Variants in FAM13A observed in about 807,000 individuals in gnomAD.
The protein encoded by FAM13A is family with sequence similarity 13 member A.
Under a neutral mutation model 129.6 loss-of-function variants are expected in FAM13A, and 76 were observed. The ratio of observed to expected loss-of-function variants is 0.59; its 90% CI spans 0.49 to 0.71. The LOEUF is 0.71. Ranked by LOEUF, FAM13A falls within the 30% of genes least tolerant of loss-of-function variation. FAM13A has a pLI of 0.00. For synonymous variants in FAM13A, 443 were observed against 449.9 expected (o/e 0.98, Z 0.20); for missense variants, 1,108 against 1,249.3 (o/e 0.89, Z 1.70).
intron 4 of FAM13A, among the ~76,000 whole-genome samples, chr4:88,961,868 T>G (rs1758673360): frequency 6.6e-6 from 1 of 152,198 alleles, no homozygotes; most frequent in African/African-American, 2.4e-5. Context: ...CTTTTATGGA[T>G]TCTTTTAATC....
At chr4:88,728,829 A>G (rs2149375708) in intron 23 of FAM13A, 170 bp from the exon 24 acceptor site, 1 of 651,466 alleles carries the variant, frequency 1.5e-6, no homozygotes, top group Non-Finnish European at 2.5e-6. Context: ...TAGACAAGTA[A>G]TGAAAATGTT....
rs150706541 is a variant in FAM13A, at chr4:88,827,751, G to A, written c.1008-22699C>T. ...AGGTTATCTGTACTCTTAGGATAAC[G>A]TTCAAAATATTCTTTCTGCCACCAT... On this transcript the variant is annotated intron_variant, in intron 7 of 23. Coordinates refer to ENST00000264344, the MANE Select transcript of FAM13A (RefSeq NM_014883.4). 1.1e-4 allele frequency among the ~76,000 whole-genome samples: 17 copies of A among 152,160 alleles called. No individual in the cohort carries two copies. In the East Asian group the frequency reaches 2.3e-3, roughly 21 times the overall value.
chr4:89,035,228 T>C (rs548464254), intron 1 of FAM13A, among the ~76,000 whole-genome samples: 150 of 152,144 alleles, frequency 9.9e-4, no homozygotes, highest in Non-Finnish European at 1.7e-3. Context: ...AAAGTTCCTA[T>C]TGGGTATTAT....
intron 5 of FAM13A, among the ~76,000 whole-genome samples, chr4:88,911,129 T>C (rs1030940181): frequency 1.3e-5 from 2 of 152,236 alleles, no homozygotes; most frequent in Non-Finnish European, 2.9e-5. Context: ...TGTGCATTCC[T>C]CCTGCTTTTA....
intron 2 of FAM13A, among the ~76,000 whole-genome samples, chr4:89,023,935 A>AG (rs1342214331): frequency 2.6e-5 from 4 of 152,182 alleles, no homozygotes; most frequent in Non-Finnish European, 5.9e-5. Flanking sequence ...TATTCAGAAA[A>AG]GGGGGATATT....
chr4:88,840,171 A>G (rs1003185561), intron 7 of FAM13A, among the ~76,000 whole-genome samples: 2 of 152,256 alleles, frequency 1.3e-5, no homozygotes, highest in Non-Finnish European at 2.9e-5. Context: ...TTCAAAAAGG[A>G]GTGATCAGTT....
At chr4:88,944,406 T>A (rs1396489087) in intron 4 of FAM13A, among the ~76,000 whole-genome samples, 1 of 152,202 alleles carries the variant, frequency 6.6e-6, no homozygotes, top group Non-Finnish European at 1.5e-5. Context: ...CTGGAAACAT[T>A]GGTTCTATTA....
intron 6 of FAM13A, among the ~76,000 whole-genome samples, chr4:88,865,529 C>T (rs775709806): frequency 2.6e-5 from 4 of 152,126 alleles, no homozygotes; most frequent in Admixed American, 6.5e-5. Context: ...TGCCTAGTAA[C>T]GGTAACAGCA....
At chr4:88,819,527 A>G (rs1266799020) in intron 7 of FAM13A, among the ~76,000 whole-genome samples, 2 of 152,132 alleles carry the variant, frequency 1.3e-5, no homozygotes, top group Admixed American at 1.3e-4. Flanking sequence ...TCCCCACAAT[A>G]CCTAAGGGGA....
At chr4:88,877,804 T>C (rs1742816214) in intron 6 of FAM13A, among the ~76,000 whole-genome samples, 1 of 152,212 alleles carries the variant, frequency 6.6e-6, no homozygotes, top group South Asian at 2.1e-4. Flanking sequence ...TCAGTCTACC[T>C]CAACTTTCTC....
At chr4:88,895,152 T>C (rs1363206890) in intron 6 of FAM13A, among the ~76,000 whole-genome samples, 2 of 152,158 alleles carry the variant, frequency 1.3e-5, no homozygotes, top group Non-Finnish European at 2.9e-5. Context: ...TTAGTTATCA[T>C]CATCACCACT....
chr4:88,806,250 A>G (rs962140119), intron 7 of FAM13A, among the ~76,000 whole-genome samples: 2 of 152,210 alleles, frequency 1.3e-5, no homozygotes, highest in African/African-American at 4.8e-5. Flanking sequence ...AATGAAAAAG[A>G]AAGTCTAATA....
At chr4:88,805,684 T>TA (rs70959629) in intron 7 of FAM13A, among the ~76,000 whole-genome samples, 92 of 151,858 alleles carry the variant, frequency 6.1e-4, no homozygotes, top group African/African-American at 1.9e-3. Flanking sequence ...TTTTTTTTTT[T>TA]AAGAGACATG....
intron 4 of FAM13A, among the ~76,000 whole-genome samples, chr4:88,959,049 T>TA (rs1758210563): frequency 6.6e-6 from 1 of 152,238 alleles, no homozygotes; most frequent in Non-Finnish European, 1.5e-5. Context: ...AGAATGGTAG[T>TA]GTTTACCTAA....
chr4:88,843,332 G>A (rs934697783), intron 7 of FAM13A, among the ~76,000 whole-genome samples: 18 of 152,194 alleles, frequency 1.2e-4, no homozygotes, highest in African/African-American at 2.9e-4. Context: ...CCCGCAGTCG[G>A]CTATGATATT....
At chr4:88,833,385 A>T (rs1297068651) in intron 7 of FAM13A, among the ~76,000 whole-genome samples, 1 of 152,112 alleles carries the variant, frequency 6.6e-6, no homozygotes, top group African/African-American at 2.4e-5. Context: ...CAAATAAGTA[A>T]TGAATAGCAC....
chr4:88,973,130 A>ATTT (rs1760363498), intron 4 of FAM13A, among the ~76,000 whole-genome samples: 1 of 84,470 alleles, frequency 1.2e-5, no homozygotes, highest in East Asian at 3.5e-4. Flanking sequence ...GCCTAGGCAT[A>ATTT]ATTTTTTTTT....
chr4:88,917,717 T>A (rs1750333974), intron 5 of FAM13A, among the ~76,000 whole-genome samples: 1 of 152,200 alleles, frequency 6.6e-6, no homozygotes, highest in African/African-American at 2.4e-5. Context: ...CAATCTTTTT[T>A]CTCTTTATGG....
intron 6 of FAM13A, among the ~76,000 whole-genome samples, chr4:88,880,162 A>G (rs1743281711): frequency 6.6e-6 from 1 of 152,172 alleles, no homozygotes; most frequent in East Asian, 1.9e-4. Context: ...TAGAACTACC[A>G]CAGGGACATA....
Sources: gnomAD v4.1 joint callset for allele counts (sites outside exome capture counted in the v4.1 genomes callset) on GRCh38, gnomAD v4.1.1 for gene constraint, MANE v1.5 for transcripts, NCBI Gene and HGNC (gene_info 2026-07-23, HGNC 2026-07-21) for gene names.